Variants in REPS1 observed in about 807,000 individuals in gnomAD.
The protein encoded by REPS1 is ralBP1-associated Eps domain-containing protein 1.
Under a neutral mutation model 100.9 loss-of-function variants are expected in REPS1, and 39 were observed. The ratio of observed to expected loss-of-function variants is 0.39; its 90% confidence interval spans 0.30 to 0.50. The LOEUF (loss-of-function observed/expected upper bound fraction) is 0.50. Ranked by LOEUF, REPS1 falls within the 20% of genes least tolerant of loss-of-function variation. The probability of loss-of-function intolerance (pLI) is 0.86; values close to 1 mark genes in which losing one functional copy is unlikely to be tolerated. For synonymous variants in REPS1, 324 were observed against 340.3 expected, an observed-to-expected ratio of 0.95 and a Z score of 0.53; for missense variants, 821 against 968.5, an observed-to-expected ratio of 0.85 and a Z score of 2.02.
chr6:138,911,241 T>C lies in REPS1; in HGVS notation c.2067+35A>G, dbSNP rs375469787. 2.2e-6 allele frequency: 3 copies of C among 1,348,210 alleles called. No individual in the cohort carries two copies. The African/African-American group carries it at 4.3e-5, about 19-fold the overall frequency. The allele number at this position is 1,348,210 out of a possible 1,614,324, so 83.5% of individuals were successfully genotyped here. ...AAATTATTTCACATTACTTATGATGTACAAAATTATTATTATAAAAGACAT... is the reference window on the plus strand; with the variant it reads ...AAATTATTTCACATTACTTATGATGCACAAAATTATTATTATAAAAGACAT... On this transcript the variant is annotated intron_variant, in intron 17 of 19. Transcript: ENST00000450536.
Position 138,944,502 on chromosome 6 carries a change from A to T in REPS1, c.749T>A (p.Val250Asp). ...AATACCAATAAAATGTCACACCTGG[A>T]CAGAAGCAGGATGCATGGTTAAAAG... is the stretch of plus-strand genomic sequence containing the variant. ...STLLTMHPAS[V>D]QDQTTVRTVA... Residue 250 changes from valine (V) to aspartate (D), a missense_variant, in exon 5 of 20, where the codon GTC (valine) becomes GAC (aspartate). By Grantham distance (152) the Val-to-Asp change is radical (BLOSUM62 -3). Transcript: ENST00000450536. 1 of 1,613,824 alleles carries T rather than the reference A, an allele frequency of 6.2e-7. No individual in the cohort carries two copies.
intron 1 of REPS1, among the ~76,000 whole-genome samples, chr6:138,953,458 T>C (rs1349148195): frequency 6.6e-6 from 1 of 152,090 alleles, no homozygotes; most frequent in Non-Finnish European, 1.5e-5. Flanking sequence ...AGAAGATTAA[T>C]ATCTAAAATA....
chr6:138,986,943 A>G (rs1317876725), intron 1 of REPS1, among the ~76,000 whole-genome samples: 1 of 152,208 alleles, frequency 6.6e-6, no homozygotes, highest in South Asian at 2.1e-4. Context: ...AACATTGTTC[A>G]GTCTCATCAC....
rs146449186 is a variant in REPS1, at chr6:138,943,696, T to C, written c.917-120A>G. 7.8e-5 allele frequency: 78 copies of C among 995,004 alleles called. No individual in the cohort carries two copies. The East Asian group carries it at 1.9e-3, about 24-fold the overall frequency. The allele number at this position is 995,004 out of a possible 1,614,324, so 61.6% of individuals were successfully genotyped here. A position where few individuals can be genotyped will look rare whatever the true frequency, so the allele number is the denominator to read the frequency against. On this transcript the variant is annotated intron_variant, in intron 6 of 19. Transcript: ENST00000450536. ...ATATTTTTAATATGTGAATATGTCATGTTTTTGGCCCCCAGTGATTATAAA... is the reference window on the plus strand; with the variant it reads ...ATATTTTTAATATGTGAATATGTCACGTTTTTGGCCCCCAGTGATTATAAA...
chr6:138,920,154 T>C (rs922876636), intron 12 of REPS1, 61 bp downstream of exon 12: 3 of 884,244 alleles, frequency 3.4e-6, no homozygotes, highest in East Asian at 2.4e-5. Context: ...ACATCTGAAA[T>C]AGTCAGACTC....
rs1481342922 is a variant in REPS1 at position 138,987,560 on chromosome 6, G to C, written c.123C>G (p.Ala41=). The C allele has an allele frequency of 6.5e-7, 1 of 1,550,050 alleles. No individual in the cohort carries two copies. Among genetic ancestry groups the C allele is most frequent in the South Asian group, 1.2e-5 (1 of 84,016 alleles). Residue 41 remains alanine (A), a synonymous_variant, in exon 1 of 20, where the codon GCC becomes GCG. Coordinates refer to ENST00000450536, the MANE Select transcript of REPS1 (RefSeq NM_001286611.2). ...VNGRVLELFR[A]AQLPNDVVLQ... ...GGACCACGTCGTTCGGCAGCTGCGCGGCCCGGAACAGCTCCAGCACCCGCC... is the reference window on the plus strand; with the variant it reads ...GGACCACGTCGTTCGGCAGCTGCGCCGCCCGGAACAGCTCCAGCACCCGCC...
At chr6:138,937,978 A>C (rs1781969931) in intron 8 of REPS1, among the ~76,000 whole-genome samples, 5 of 151,416 alleles carry the variant, frequency 3.3e-5, no homozygotes, top group Non-Finnish European at 5.9e-5. Context: ...AGAGTACCTC[A>C]ACGTGTTTGT....
chr6:138,979,572 A>C (rs1278599961), intron 1 of REPS1, among the ~76,000 whole-genome samples: 1 of 152,174 alleles, frequency 6.6e-6, no homozygotes, highest in African/African-American at 2.4e-5. Flanking sequence ...CAGGTTGCCA[A>C]ATCCAATGGC....
intron 1 of REPS1, among the ~76,000 whole-genome samples, chr6:138,960,459 T>C (rs1783666781): frequency 6.6e-6 from 1 of 151,672 alleles, no homozygotes; most frequent in South Asian, 2.1e-4. Context: ...TCCTATCACA[T>C]ATAACACAGT....
At chr6:138,910,711 C>T (rs1375733724) in intron 17 of REPS1, among the ~76,000 whole-genome samples, 8 of 151,974 alleles carry the variant, frequency 5.3e-5, no homozygotes, top group Non-Finnish European at 1.0e-4. Flanking sequence ...GCAATGCAGA[C>T]GGACTAACAC....
chr6:138,940,199 T>C (rs1006390268), intron 8 of REPS1, among the ~76,000 whole-genome samples: 1 of 152,206 alleles, frequency 6.6e-6, no homozygotes, highest in Admixed American at 6.5e-5. Context: ...AGACCATGTA[T>C]ATTTTTAGGT....
Position 138,979,464 on chromosome 6 carries a change from C to G in REPS1, c.153+8066G>C, listed in dbSNP as rs147950816. ...TAAAAGCTATCTATACACCCTGTCT[C>G]TAGTTCCTCAGCCATCATTTATCCC... On this transcript the variant is annotated intron_variant, in intron 1 of 19. Coordinates refer to ENST00000450536, the MANE Select transcript of REPS1 (RefSeq NM_001286611.2). Among the ~76,000 whole-genome samples the G allele has an allele frequency of 6.6e-5, 10 of 152,252 alleles. No homozygotes were observed. In the South Asian group the frequency reaches 1.7e-3, roughly 25 times the overall value.
At chr6:138,952,841 T>G (rs1383386870) in intron 1 of REPS1, among the ~76,000 whole-genome samples, 3 of 151,732 alleles carry the variant, frequency 2.0e-5, no homozygotes, top group South Asian at 4.2e-4. Flanking sequence ...TTTGTTTTTT[T>G]TTTTTTGAGA....
chr6:138,947,335 G>A (rs1221961648), intron 2 of REPS1, among the ~76,000 whole-genome samples: 1 of 152,058 alleles, frequency 6.6e-6, no homozygotes, highest in Non-Finnish European at 1.5e-5. Context: ...TAGGTTAACT[G>A]TTACTTCTTA....
At chr6:138,906,416 T>C (rs1779655417) in intron 19 of REPS1, among the ~76,000 whole-genome samples, 1 of 152,244 alleles carries the variant, frequency 6.6e-6, no homozygotes. Flanking sequence ...TCCCAGTTTA[T>C]ACCCAGTGTC....
At chr6:138,968,780 A>G (rs1784153304) in intron 1 of REPS1, among the ~76,000 whole-genome samples, 1 of 152,250 alleles carries the variant, frequency 6.6e-6, no homozygotes, top group Non-Finnish European at 1.5e-5. Context: ...ATGTGCTTAC[A>G]GCCACATCAA....
At chr6:138,984,924 C>G (rs991512867) in intron 1 of REPS1, among the ~76,000 whole-genome samples, 1 of 152,234 alleles carries the variant, frequency 6.6e-6, no homozygotes, top group Admixed American at 6.5e-5. Context: ...CTCTCCCTTT[C>G]TATTCTACTG....
chr6:138,971,852 T>C (rs1415256058), intron 1 of REPS1, among the ~76,000 whole-genome samples: 1 of 152,172 alleles, frequency 6.6e-6, no homozygotes, highest in Non-Finnish European at 1.5e-5. Context: ...GAGCCCAGAA[T>C]TGCTTTAAGT....
At chr6:138,925,656 T>A (rs1781067010) in intron 10 of REPS1, among the ~76,000 whole-genome samples, 1 of 122,390 alleles carries the variant, frequency 8.2e-6, no homozygotes. Context: ...CACATCCTTG[T>A]CTTAAAAAAA....
Sources: gnomAD v4.1 joint callset for allele counts (sites outside exome capture counted in the v4.1 genomes callset) on GRCh38, gnomAD v4.1.1 for gene constraint, MANE v1.5 for transcripts, NCBI Gene and HGNC (gene_info 2026-07-23, HGNC 2026-07-21) for gene names.